Variants in SUDS3 observed in about 807,000 individuals in gnomAD.
SUDS3 encodes the protein SIN3A corepressor complex component SDS3, also known as sin3 histone deacetylase corepressor complex component SDS3.
Under a neutral mutation model 53.5 loss-of-function variants are expected in SUDS3, and 23 were observed. That is an observed-to-expected ratio of 0.43 (90% CI 0.31 to 0.61). The LOEUF is 0.61. Ranked by LOEUF, SUDS3 falls within the 20% of genes least tolerant of loss-of-function variation. The probability of loss-of-function intolerance (pLI) is 0.10; values close to 1 mark genes in which losing one functional copy is unlikely to be tolerated. For synonymous variants in SUDS3, 150 were observed against 148.5 expected (o/e 1.01, Z -0.08); for missense variants, 291 against 405.9 (o/e 0.72, Z 2.43).
At chr12:118,377,104 C>G (rs1240682097) in intron 1 of SUDS3, among the ~76,000 whole-genome samples, 5 of 152,030 alleles carry the variant, frequency 3.3e-5, no homozygotes, top group Non-Finnish European at 1.5e-5. Flanking sequence ...CCCTCCCAGC[C>G]GTTTCTGATT....
Position 118,389,230 on chromosome 12 carries a change from G to A in SUDS3, c.341-697G>A, listed in dbSNP as rs150742514. Among the ~76,000 whole-genome samples the A allele has an allele frequency of 2.2e-3, 341 of 151,820 alleles. 11 individuals are homozygous for A. The East Asian group carries it at 0.06, about 27-fold the overall frequency. On this transcript the variant is annotated intron_variant, in intron 4 of 11. Coordinates refer to ENST00000543473, the MANE Select transcript of SUDS3 (RefSeq NM_022491.3). ...ACTGGGCTGCTTTCCCCCACCTGCC[G>A]CCTGCCCCCCTACCCTGCCCCAGCC... is the stretch of plus-strand genomic sequence containing the variant.
At chr12:118,383,251 A>G (rs1041925373) in intron 2 of SUDS3, among the ~76,000 whole-genome samples, 2 of 152,232 alleles carry the variant, frequency 1.3e-5, no homozygotes, top group Admixed American at 1.3e-4. Context: ...TCAGATCACA[A>G]ATCTTGTTTT....
intron 3 of SUDS3, among the ~76,000 whole-genome samples, chr12:118,385,474 A>G (rs1018167299): frequency 6.6e-6 from 1 of 152,134 alleles, no homozygotes; most frequent in Non-Finnish European, 1.5e-5. Flanking sequence ...GGACTAGCCC[A>G]TGGTCAGGCA....
At position 118,386,123 on chromosome 12, in the gene SUDS3, A is replaced by C; in HGVS notation, c.278A>C (p.Gln93Pro). 1 of 1,596,048 alleles carries C rather than the reference A, an allele frequency of 6.3e-7. No homozygotes were observed. Among genetic ancestry groups the C allele is most frequent in the Non-Finnish European group, 8.5e-7 (1 of 1,170,302 alleles). ...AAATGTTCAAAATCAGGTACATTAC[A>C]GGAATATCAGAAGAGAATGAAAAAA... is the stretch of plus-strand genomic sequence containing the variant. ...QLQQLQEGTL[Q>P]EYQKRMKKLD... is the part of the protein sequence containing the mutation. Residue 93 changes from glutamine to proline, a missense_variant, in exon 4 of 12, where the codon CAG becomes CCG. Gln to Pro is a moderately conservative substitution (Grantham distance 76, BLOSUM62 -1). This residue lies in a region of SUDS3 where 149 missense variants were observed against 146.5 expected (regional missense o/e 1.02). Coordinates refer to ENST00000543473, the MANE Select transcript of SUDS3 (RefSeq NM_022491.3).
chr12:118,376,856 C>T (rs1289453926), intron 1 of SUDS3, 23 bp downstream of exon 1: 1 of 1,511,464 alleles, frequency 6.6e-7, no homozygotes, highest in Non-Finnish European at 8.8e-7. Context: ...GCTCGCCCGG[C>T]CGCCCGGAGC....
At chr12:118,379,760 A>G (rs2046037624) in intron 1 of SUDS3, among the ~76,000 whole-genome samples, 2 of 152,296 alleles carry the variant, frequency 1.3e-5, no homozygotes, top group South Asian at 2.1e-4. Flanking sequence ...AGCAGCCTTC[A>G]CCATAACTGC....
At chr12:118,397,544 A>G (rs1398052548) in intron 6 of SUDS3, among the ~76,000 whole-genome samples, 1 of 152,138 alleles carries the variant, frequency 6.6e-6, no homozygotes, top group African/African-American at 2.4e-5. Flanking sequence ...TCATGGCCTC[A>G]AATCATGTTT....
At chr12:118,397,362 C>T (rs1435583316) in intron 6 of SUDS3, among the ~76,000 whole-genome samples, 1 of 152,140 alleles carries the variant, frequency 6.6e-6, no homozygotes, top group Admixed American at 6.5e-5. Context: ...GATACCAGCT[C>T]GTTGCTTACA....
At chr12:118,409,680 A>G (rs184822047) in intron 10 of SUDS3, among the ~76,000 whole-genome samples, 1 of 152,224 alleles carries the variant, frequency 6.6e-6, no homozygotes, top group Non-Finnish European at 1.5e-5. Flanking sequence ...CTAAATTTAC[A>G]CGAGTTTATG....
At chr12:118,396,066 G>A (rs1333292003) in intron 6 of SUDS3, among the ~76,000 whole-genome samples, 1 of 152,030 alleles carries the variant, frequency 6.6e-6, no homozygotes, top group Non-Finnish European at 1.5e-5. Flanking sequence ...AACATTGATG[G>A]CGCCCTCCAT....
intron 3 of SUDS3, among the ~76,000 whole-genome samples, chr12:118,385,114 T>C (rs1228106791): frequency 8.0e-5 from 12 of 149,158 alleles, no homozygotes; most frequent in Admixed American, 1.3e-4. Flanking sequence ...TTGCTTTTCT[T>C]TTTTTTTTTT....
At chr12:118,383,984 T>A in intron 2 of SUDS3, 28 bp from the exon 3 acceptor site, 2 of 1,597,038 alleles carry the variant, frequency 1.3e-6, no homozygotes, top group Non-Finnish European at 8.5e-7. Context: ...TGTTTTTATC[T>A]GTTAGTGTGA....
At position 118,377,627 on chromosome 12, in the gene SUDS3, C is replaced by T. The variant is rs139848544; in HGVS notation, c.142+794C>T. ...CACTGTCATCACAGAGTCTCAGAGC[C>T]TTGCTTTTCAAACTGGGCTTTATAA... On this transcript the variant is annotated intron_variant, in intron 1 of 11. Transcript: ENST00000543473. Among the ~76,000 whole-genome samples the T allele has an allele frequency of 7.4e-3, 1,129 of 151,862 alleles. 10 individuals carry two copies. Among genetic ancestry groups the T allele is most frequent in the Non-Finnish European group, 9.2e-3 (625 of 67,996 alleles).
At chr12:118,409,359 C>G (rs574078427) in intron 10 of SUDS3, among the ~76,000 whole-genome samples, 1 of 152,134 alleles carries the variant, frequency 6.6e-6, no homozygotes, top group Non-Finnish European at 1.5e-5. Flanking sequence ...GTTGGCCAGG[C>G]TGGTCTCGAT....
chr12:118,376,806 A>G lies in SUDS3; in HGVS notation c.115A>G (p.Ser39Gly). The change falls in exon 1 of 12, where the codon AGC (serine) becomes GGC (glycine). Residue 39 changes from serine to glycine, a missense_variant. Ser to Gly is a moderately conservative substitution (Grantham distance 56). Transcript: ENST00000543473. Reference protein sequence around the residue: ...ELESAEDDERSCRGRESDEDT... With the variant: ...ELESAEDDERGCRGRESDEDT... Reference sequence around the variant, plus strand: ...GGAGAGCGCCGAGGACGACGAGCGCAGCTGTCGGGGCCGCGAGTCGGACGA... The same window carrying G: ...GGAGAGCGCCGAGGACGACGAGCGCGGCTGTCGGGGCCGCGAGTCGGACGA... 1 of 1,550,168 alleles carries G rather than the reference A, an allele frequency of 6.5e-7. No individual in the cohort carries two copies. The highest frequency in any genetic ancestry group is 8.7e-7 in the Non-Finnish European group (1 of 1,154,594).
intron 7 of SUDS3, 130 bp downstream of exon 7, chr12:118,400,884 G>A: frequency 1.1e-6 from 1 of 871,354 alleles, no homozygotes; most frequent in Non-Finnish European, 1.8e-6. Context: ...GAAAGCGTGT[G>A]TTAAATGTTT....
chr12:118,397,664 C>T (rs558387560), intron 6 of SUDS3, among the ~76,000 whole-genome samples: 6 of 152,092 alleles, frequency 3.9e-5, no homozygotes, highest in African/African-American at 1.4e-4. Flanking sequence ...CTTCCTTCTG[C>T]AAAGCAGTCT....
At chr12:118,396,097 T>C (rs1428041363) in intron 6 of SUDS3, among the ~76,000 whole-genome samples, 1 of 152,202 alleles carries the variant, frequency 6.6e-6, no homozygotes, top group Non-Finnish European at 1.5e-5. Context: ...AAGGGCATGA[T>C]GTCTGCTAGG....
chr12:118,404,573 A>G (rs909322297), intron 10 of SUDS3: 2 of 152,234 alleles, frequency 1.3e-5, no homozygotes, highest in Non-Finnish European at 1.5e-5. Flanking sequence ...CTAGATATGA[A>G]ATGGATACTG....
Sources: allele counts gnomAD v4.1 joint callset (sites outside exome capture counted in the v4.1 genomes callset), GRCh38; gene constraint gnomAD v4.1.1; regional missense constraint gnomAD v4.1.1; transcripts MANE v1.5; gene names NCBI Gene and HGNC (gene_info 2026-07-23, HGNC 2026-07-21).